The following MEGF6 variants were observed in gnomAD, a reference collection of about 807,000 sequenced individuals.
The protein encoded by MEGF6 is multiple epidermal growth factor-like domains protein 6.
MEGF6 carries 184 observed loss-of-function variants against 207.1 expected under a neutral mutation model. The observed-to-expected ratio is 0.89, with a 90% CI of 0.79 to 1.00. The LOEUF (loss-of-function observed/expected upper bound fraction) is 1.00. Among genes scored for constraint, MEGF6 ranks in the 50% least tolerant of loss-of-function variants. MEGF6 has a pLI of 0.00. For missense variants in MEGF6, 2,282 were observed against 2,202.9 expected, an observed-to-expected ratio of 1.04 and a Z score of -0.72; for synonymous variants, 1,038 against 910.0, an observed-to-expected ratio of 1.14 and a Z score of -2.53.
intron 11 of MEGF6, among the ~76,000 whole-genome samples, chr1:3,509,480 C>T (rs1365610678): frequency 4.6e-5 from 7 of 152,184 alleles, no homozygotes; most frequent in Admixed American, 6.5e-5. Flanking sequence ...GGCCCCTCTG[C>T]CCCCAGCCTC....
intron 5 of MEGF6, among the ~76,000 whole-genome samples, chr1:3,523,080 G>GGT (rs1553195922): frequency 6.6e-6 from 1 of 152,054 alleles, no homozygotes; most frequent in South Asian, 2.1e-4. Flanking sequence ...GTGCCGGGGG[G>GGT]GGGGCCCCAG....
chr1:3,543,506 C>T (rs1443874108), intron 4 of MEGF6, among the ~76,000 whole-genome samples: 1 of 152,358 alleles, frequency 6.6e-6, no homozygotes, highest in African/African-American at 2.4e-5. Context: ...AGGGCCCCCT[C>T]GGCCACACGG....
In MEGF6 at chr1:3,611,331, CT is replaced by C; in HGVS notation, c.-64del. The C allele has an allele frequency of 7.2e-7, 1 of 1,387,676 alleles. No individual in the cohort carries two copies. The highest frequency in any genetic ancestry group is 1.5e-5 in the African/African-American group (1 of 66,230). The allele number at this position is 1,387,676 out of a possible 1,614,324, so 86.0% of individuals were successfully genotyped here. A position where few individuals can be genotyped will look rare whatever the true frequency, so the allele number is the denominator to read the frequency against. On this transcript the variant is annotated 5_prime_UTR_variant, in exon 1 of 37. An upstream open reading frame in the 5' UTR loses its in-frame stop. Coordinates refer to ENST00000356575, the MANE Select transcript of MEGF6 (RefSeq NM_001409.4). ...GGCGGCCCCGGCGGCTCCCCGGAGCCTCCGCCTCCACGTGCGCCATAGGACG... is the reference window on the plus strand; with the variant it reads ...GGCGGCCCCGGCGGCTCCCCGGAGCCCCGCCTCCACGTGCGCCATAGGACG...
chr1:3,537,442 G>A (rs924790767), intron 4 of MEGF6, among the ~76,000 whole-genome samples: 3 of 152,248 alleles, frequency 2.0e-5, no homozygotes, highest in Non-Finnish European at 4.4e-5. Context: ...GGCCCAGCAG[G>A]CACCCAGGTG....
intron 3 of MEGF6, among the ~76,000 whole-genome samples, chr1:3,591,834 ACCAAGG>A (rs1201678734): frequency 9.4e-6 from 1 of 106,094 alleles, no homozygotes; most frequent in Non-Finnish European, 2.1e-5. Flanking sequence ...GGGGGCTGCT[ACCAAGG>A]TCTCGTAGCT....
chr1:3,602,566 C>A lies in MEGF6; in HGVS notation c.166G>T (p.Val56Leu). 6.2e-7 allele frequency: 1 copy of A among 1,612,154 alleles called. No homozygotes were observed. Among genetic ancestry groups the A allele is most frequent in the Non-Finnish European group, 8.5e-7 (1 of 1,179,526 alleles). Residue 56 changes from valine (V) to leucine (L), a missense_variant, in exon 2 of 37, where the codon GTG becomes TTG. Physicochemically the swap from Val to Leu is conservative, Grantham distance 32. Transcript: ENST00000356575. ...TGCACGCACGGCTGGCGGCGGCCCA[C>A]CAGGGTCAGCTCCTGCTCAGCACAC... Reference protein sequence around the residue: ...HVCAEQELTLVGRRQPCVQAL... With the variant: ...HVCAEQELTLLGRRQPCVQAL...
At chr1:3,496,142 G>A in intron 29 of MEGF6, 124 bp from the exon 30 acceptor site, 5 of 1,365,048 alleles carry the variant, frequency 3.7e-6, no homozygotes, top group Non-Finnish European at 4.8e-6. Context: ...CAGACAGGGT[G>A]GGGCCAGCCA....
chr1:3,599,511 G>T (rs767150520), intron 2 of MEGF6, among the ~76,000 whole-genome samples: 3 of 152,230 alleles, frequency 2.0e-5, no homozygotes, highest in African/African-American at 7.2e-5. Context: ...TGACAATGAG[G>T]CCCCAACAAC....
chr1:3,600,834 G>A (rs1032941237), intron 2 of MEGF6, among the ~76,000 whole-genome samples: 3 of 152,196 alleles, frequency 2.0e-5, no homozygotes, highest in African/African-American at 7.2e-5. Context: ...CACCAGGGTG[G>A]TAAGAAGCCT....
intron 4 of MEGF6, among the ~76,000 whole-genome samples, chr1:3,571,007 T>C (rs572742004): frequency 1.2e-4 from 18 of 152,074 alleles, no homozygotes; most frequent in African/African-American, 4.3e-4. Flanking sequence ...CAGCACCAGC[T>C]TGTCTTCATG....
intron 4 of MEGF6, chr1:3,531,230 C>T: frequency 1.4e-6 from 2 of 1,467,928 alleles, no homozygotes; most frequent in Non-Finnish European, 1.8e-6. Context: ...AGCCCGCGGT[C>T]CCGGGACGCC....
At position 3,563,849 on chromosome 1, in the gene MEGF6, G is replaced by A. The variant is rs74346751; in HGVS notation, c.481+15976C>T. Reference sequence around the variant, plus strand: ...GGCGCAGGCCCTGCGGTGTCTGCGCGTCTGGGGAGGGAAGTCAGACCTGCC... The same window carrying A: ...GGCGCAGGCCCTGCGGTGTCTGCGCATCTGGGGAGGGAAGTCAGACCTGCC... On this transcript the variant is annotated intron_variant, in intron 4 of 36. Coordinates refer to ENST00000356575, the MANE Select transcript of MEGF6 (RefSeq NM_001409.4). 9.2e-3 allele frequency among the ~76,000 whole-genome samples: 1,395 copies of A among 152,294 alleles called. 23 individuals are homozygous for A. Among genetic ancestry groups the A allele is most frequent in the African/African-American group, 0.031 (1,307 of 41,556 alleles).
At chr1:3,555,162 C>T (rs1443141416) in intron 4 of MEGF6, among the ~76,000 whole-genome samples, 1 of 112,848 alleles carries the variant, frequency 8.9e-6, no homozygotes, top group Non-Finnish European at 1.8e-5. Context: ...GTCCCCACCA[C>T]CCACCCACCC....
At chr1:3,603,326 G>T (rs1437757621) in intron 1 of MEGF6, among the ~76,000 whole-genome samples, 1 of 148,916 alleles carries the variant, frequency 6.7e-6, no homozygotes, top group Non-Finnish European at 1.5e-5. Context: ...CAGAGGGAGG[G>T]ACCCTCCAAA....
intron 4 of MEGF6, among the ~76,000 whole-genome samples, chr1:3,536,037 C>T (rs1001418127): frequency 7.9e-5 from 12 of 152,300 alleles, no homozygotes; most frequent in African/African-American, 2.6e-4. Flanking sequence ...TAGGCAGCTC[C>T]GGCTTCGCAC....
intron 4 of MEGF6, among the ~76,000 whole-genome samples, chr1:3,568,654 C>G (rs539630370): frequency 6.6e-6 from 1 of 152,320 alleles, no homozygotes; most frequent in East Asian, 1.9e-4. Context: ...CCATGCCCTG[C>G]CCTGGATGCC....
chr1:3,555,940 A>G (rs1235095600), intron 4 of MEGF6, among the ~76,000 whole-genome samples: 1 of 152,172 alleles, frequency 6.6e-6, no homozygotes, highest in Non-Finnish European at 1.5e-5. Flanking sequence ...TCTCTGGGGG[A>G]GGGACTGTGG....
Position 3,509,264 on chromosome 1 carries a change from C to T in MEGF6, c.1358-19G>A, listed in dbSNP as rs752543779. 2.4e-5 allele frequency: 34 copies of T among 1,425,762 alleles called. No homozygotes were observed. Among genetic ancestry groups the T allele is most frequent in the East Asian group, 2.0e-4 (7 of 35,516 alleles). The allele number at this position is 1,425,762 out of a possible 1,614,324, so 88.3% of individuals were successfully genotyped here. A position where few individuals can be genotyped will look rare whatever the true frequency, so the allele number is the denominator to read the frequency against. ...TCCAGGGCTGCCAGGGGCACAGAGG[C>T]GCCTTAGCCCCTGCCACCCACCTGC... On this transcript the variant is annotated intron_variant, in intron 11 of 36. Coordinates refer to ENST00000356575, the MANE Select transcript of MEGF6 (RefSeq NM_001409.4).
Position 3,577,439 on chromosome 1 carries a change from C to T in MEGF6, c.481+2386G>A, listed in dbSNP as rs1037768729. Among the ~76,000 whole-genome samples the T allele has an allele frequency of 2.6e-5, 4 of 152,376 alleles. No homozygotes were observed. The South Asian group carries it at 6.2e-4, about 24-fold the overall frequency. On this transcript the variant is annotated intron_variant, in intron 4 of 36. Transcript: ENST00000356575. The stretch of plus-strand genomic sequence containing the variant: ...TCCTCAGACAGACCTGGCTTCAGCC[C>T]CAACTAGGCTGCTTGTGAGCTGAGC...
Sources: allele counts gnomAD v4.1 joint callset (sites outside exome capture counted in the v4.1 genomes callset), GRCh38; gene constraint gnomAD v4.1.1; transcripts MANE v1.5; gene names NCBI Gene and HGNC (gene_info 2026-07-23, HGNC 2026-07-21).